The following DLG2 variants were observed in gnomAD, a reference collection of about 807,000 sequenced individuals.
The protein encoded by DLG2 is disks large homolog 2.
In DLG2, 45 loss-of-function variants were observed where a neutral mutation model predicts 132.5. The observed-to-expected ratio is 0.34, with a 90% CI of 0.27 to 0.44. DLG2 has a LOEUF of 0.44. DLG2 is among the 20% of genes least tolerant of loss of function. The pLI, the probability that DLG2 is intolerant of heterozygous loss-of-function variation, is 1.00. For synonymous variants in DLG2, 424 were observed against 419.6 expected, an observed-to-expected ratio of 1.01 and a Z score of -0.13; for missense variants, 1,045 against 1,196.9, an observed-to-expected ratio of 0.87 and a Z score of 1.87.
chr11:84,413,473 C>T (rs2098917108), intron 7 of DLG2, among the ~76,000 whole-genome samples: 2 of 152,168 alleles, frequency 1.3e-5, no homozygotes, highest in Admixed American at 1.3e-4. Context: ...AGAGACAACA[C>T]TTTTGTGGTA....
rs78538585 is a variant in DLG2, at chr11:83,556,948, G to C, written c.1941-15090C>G. On this transcript the variant is annotated intron_variant, in intron 19 of 27. Transcript: ENST00000376104. ...TGGTACTTCAAACCAGCAAGATCCA[G>C]AACTCTAATTATCAGCCCATAATAT... Among the ~76,000 whole-genome samples, 864 of 152,268 alleles carry C rather than the reference G, an allele frequency of 5.7e-3. 5 individuals are homozygous for C. Among genetic ancestry groups the C allele is most frequent in the African/African-American group, 0.02 (816 of 41,552 alleles).
intron 11 of DLG2, among the ~76,000 whole-genome samples, chr11:83,997,100 T>A (rs966012542): frequency 2.8e-5 from 4 of 142,460 alleles, no homozygotes; most frequent in African/African-American, 1.1e-4. Flanking sequence ...ATAACTACTA[T>A]GTACTCACAA....
At chr11:84,648,222 C>T (rs957811765) in intron 6 of DLG2, among the ~76,000 whole-genome samples, 30 of 152,240 alleles carry the variant, frequency 2.0e-4, no homozygotes, top group Admixed American at 2.0e-3. Flanking sequence ...TAAAAAGGAA[C>T]TTGGAGATGC....
intron 18 of DLG2, among the ~76,000 whole-genome samples, chr11:83,649,868 T>C (rs2069547428): frequency 6.6e-6 from 1 of 152,218 alleles, no homozygotes; most frequent in Non-Finnish European, 1.5e-5. Flanking sequence ...TCCTTAATTT[T>C]CAAGTCTCCA....
intron 7 of DLG2, among the ~76,000 whole-genome samples, chr11:84,465,577 T>C (rs2099092054): frequency 6.6e-6 from 1 of 151,288 alleles, no homozygotes; most frequent in Non-Finnish European, 1.5e-5. Flanking sequence ...TATTTATGCA[T>C]GTGAAATCTC....
intron 7 of DLG2, among the ~76,000 whole-genome samples, chr11:84,333,051 C>A (rs1393471529): frequency 6.6e-6 from 1 of 152,158 alleles, no homozygotes; most frequent in Non-Finnish European, 1.5e-5. Context: ...ATGTTCTAGC[C>A]CACTTTTCAG....
intron 11 of DLG2, among the ~76,000 whole-genome samples, chr11:84,025,465 A>G (rs2154082303): frequency 6.6e-6 from 1 of 152,298 alleles, no homozygotes; most frequent in Non-Finnish European, 1.5e-5. Context: ...CAGCCAAACC[A>G]TATCAGCTCC....
chr11:83,500,420 A>T (rs2094403577), intron 21 of DLG2, among the ~76,000 whole-genome samples: 1 of 152,188 alleles, frequency 6.6e-6, no homozygotes, highest in Non-Finnish European at 1.5e-5. Context: ...TAAATTGGGA[A>T]TATGAGAGAA....
chr11:83,584,304 G>A (rs1488856554), intron 19 of DLG2, among the ~76,000 whole-genome samples: 3 of 152,252 alleles, frequency 2.0e-5, no homozygotes, highest in African/African-American at 7.2e-5. Flanking sequence ...ATACACTTAC[G>A]AAAATATGTT....
intron 18 of DLG2, among the ~76,000 whole-genome samples, chr11:83,679,140 C>A (rs1023268521): frequency 6.6e-6 from 1 of 152,142 alleles, no homozygotes; most frequent in African/African-American, 2.4e-5. Flanking sequence ...CCTAGCACTG[C>A]TATATGCCAA....
chr11:84,994,373 AAGGGAAAATGGTGCTAC>A (rs1278399656), intron 6 of DLG2, among the ~76,000 whole-genome samples: 1 of 152,188 alleles, frequency 6.6e-6, no homozygotes, highest in African/African-American at 2.4e-5. Flanking sequence ...TATTAAATGT[AAGGGAAAATGGTGCTAC>A]ATACACCACA....
intron 10 of DLG2, 75 bp downstream of exon 10, chr11:84,098,848 C>T: frequency 2.0e-6 from 3 of 1,513,560 alleles, no homozygotes; most frequent in Non-Finnish European, 2.7e-6. Context: ...AATTATTATT[C>T]TTCAAAGGTA....
intron 3 of DLG2, among the ~76,000 whole-genome samples, chr11:85,308,179 A>ATAAAATAATC (rs1189502338): frequency 3.6e-4 from 4 of 11,114 alleles, no homozygotes; most frequent in Non-Finnish European, 6.8e-4. Flanking sequence ...ATAAAATAAA[A>ATAAAATAATC]TAAAATAAAA....
intron 11 of DLG2, among the ~76,000 whole-genome samples, chr11:84,043,047 T>C (rs1473046049): frequency 6.6e-6 from 1 of 151,792 alleles, no homozygotes; most frequent in South Asian, 2.1e-4. Context: ...GTATATGCTA[T>C]TGATTTCTAT....
chr11:84,859,712 C>T (rs539669760), intron 6 of DLG2, among the ~76,000 whole-genome samples: 1 of 151,952 alleles, frequency 6.6e-6, no homozygotes, highest in Non-Finnish European at 1.5e-5. Context: ...CTTCTATAAA[C>T]TGTGACACTT....
chr11:83,988,974 T>C (rs528058634), intron 11 of DLG2, among the ~76,000 whole-genome samples: 140 of 152,208 alleles, frequency 9.2e-4, no homozygotes, highest in Admixed American at 3.2e-3. Context: ...GGTTTTTTGG[T>C]CTATTTTGTA....
At position 84,340,004 on chromosome 11, in the gene DLG2, T is replaced by C. The variant is rs1314492627; in HGVS notation, c.520-88713A>G. Among the ~76,000 whole-genome samples, 4 of 152,224 alleles carry C rather than the reference T, an allele frequency of 2.6e-5. No individual in the cohort carries two copies. In the East Asian group the frequency reaches 7.7e-4, roughly 29 times the overall value. On this transcript the variant is annotated intron_variant, in intron 7 of 27. Coordinates refer to ENST00000376104, the MANE Select transcript of DLG2 (RefSeq NM_001142699.3). Reference sequence around the variant, plus strand: ...GCTTGTGTGTGCATGGGGACTAGTATGTTTGCTGAACTGTTTGAACCCAAT... The same window carrying C: ...GCTTGTGTGTGCATGGGGACTAGTACGTTTGCTGAACTGTTTGAACCCAAT...
chr11:85,466,935 C>T (rs1478023303), intron 3 of DLG2, among the ~76,000 whole-genome samples: 3 of 152,082 alleles, frequency 2.0e-5, no homozygotes, highest in Non-Finnish European at 2.9e-5. Flanking sequence ...ATTCTTCCTA[C>T]CCATGAGCAT....
intron 17 of DLG2, among the ~76,000 whole-genome samples, chr11:83,801,708 T>C (rs2044437067): frequency 6.6e-6 from 1 of 152,192 alleles, no homozygotes; most frequent in South Asian, 2.1e-4. Context: ...CTAATTCATC[T>C]GGTTTTACTT....
Sources: gnomAD v4.1 joint callset for allele counts (sites outside exome capture counted in the v4.1 genomes callset) on GRCh38, gnomAD v4.1.1 for gene constraint, MANE v1.5 for transcripts, NCBI Gene and HGNC (gene_info 2026-07-23, HGNC 2026-07-21) for gene names.